NDC1: variants seen among roughly 807,000 people sequenced by gnomAD.
NDC1 encodes the protein NDC1 transmembrane nucleoporin.
NDC1 carries 24 observed loss-of-function variants against 89.8 expected under a neutral mutation model. The ratio of observed to expected loss-of-function variants is 0.27; its 90% CI spans 0.19 to 0.38. The LOEUF is 0.38. Among genes scored for constraint, NDC1 ranks in the 10% least tolerant of loss-of-function variants. The probability of loss-of-function intolerance (pLI) is 1.00; values close to 1 mark genes in which losing one functional copy is unlikely to be tolerated. For missense variants in NDC1, 728 were observed against 797.6 expected (o/e 0.91, Z 1.05); for synonymous variants, 296 against 284.8 (o/e 1.04, Z -0.39).
chr1:53,779,269 G>A (rs888675455), intron 16 of NDC1, among the ~76,000 whole-genome samples: 1 of 151,910 alleles, frequency 6.6e-6, no homozygotes, highest in African/African-American at 2.4e-5. Flanking sequence ...ATAACCCTAT[G>A]AGGTAGCTAG....
intron 10 of NDC1, 22 bp downstream of exon 10, chr1:53,803,906 A>G (rs1246349374): frequency 6.4e-7 from 1 of 1,557,388 alleles, no homozygotes; most frequent in Non-Finnish European, 8.9e-7. Context: ...TGCCTAATCA[A>G]GTCTATTACT....
Position 53,802,556 on chromosome 1 carries a change from A to G in NDC1, c.1066+1372T>C, listed in dbSNP as rs117821564. 3.1e-3 allele frequency among the ~76,000 whole-genome samples: 476 copies of G among 152,208 alleles called. 8 individuals carry two copies. In the East Asian group the frequency reaches 0.056, roughly 18 times the overall value. On this transcript the variant is annotated intron_variant, in intron 10 of 17. Coordinates refer to ENST00000371429, the MANE Select transcript of NDC1 (RefSeq NM_018087.5). The stretch of plus-strand genomic sequence containing the variant: ...GGTGGTGCACACCTGGTATGCCCCT[A>G]TAATACCAGCTACTTGAAAGGCTGA...
At chr1:53,832,437 CTTAG>C (rs1242624598) in intron 3 of NDC1, 49 bp downstream of exon 3, 8 of 947,536 alleles carry the variant, frequency 8.4e-6, no homozygotes, top group African/African-American at 6.6e-5. Context: ...TAAGTCTTCC[CTTAG>C]TTAAATAAAT....
Position 53,796,673 on chromosome 1 carries a change from A to AGTC in NDC1, c.1584+15_1584+16insGAC, listed in dbSNP as rs1382563911. The AGTC allele has an allele frequency of 1.3e-6, 2 of 1,498,844 alleles. No individual in the cohort carries two copies. The highest frequency in any genetic ancestry group is 3.9e-5 in the Admixed American group (2 of 51,248). 92.8% of individuals were successfully genotyped at this position (1,498,844 alleles called of 1,614,324 possible). ...TTTTACATGCAAATATAAATCCTAT[A>AGTC]ACCATATCATCCTACCTGTTCACGT... On this transcript the variant is annotated intron_variant, in intron 13 of 17. Coordinates refer to ENST00000371429, the MANE Select transcript of NDC1 (RefSeq NM_018087.5).
chr1:53,808,490 T>A (rs1021538011), intron 7 of NDC1, among the ~76,000 whole-genome samples: 5 of 152,220 alleles, frequency 3.3e-5, no homozygotes, highest in Non-Finnish European at 2.9e-5. Flanking sequence ...TTAGTCCTAT[T>A]ACAATTTTTA....
rs1649098833 is a variant in NDC1, at chr1:53,832,509, G to A, written c.261C>T (p.Phe87=). 1.3e-6 allele frequency: 2 copies of A among 1,581,546 alleles called. No individual in the cohort carries two copies. The highest frequency in any genetic ancestry group is 2.7e-5 in the African/African-American group (2 of 74,200). Residue 87 remains phenylalanine, a synonymous_variant, in exon 3 of 18, where the codon TTC becomes TTT. Coordinates refer to ENST00000371429, the MANE Select transcript of NDC1 (RefSeq NM_018087.5). ...ACTCACCTGCATAGAACTCCACATT[G>A]AAAATACTTATTATTATTATTACCA... The part of the protein sequence containing the change: ...LSVVIIIISI[F]NVEFYAVVPS...
At chr1:53,828,694 C>T (rs1648957324) in intron 3 of NDC1, among the ~76,000 whole-genome samples, 2 of 152,022 alleles carry the variant, frequency 1.3e-5, no homozygotes, top group African/African-American at 4.8e-5. Context: ...TCACTGCAAC[C>T]TCTGCCTCCT....
At position 53,803,975 on chromosome 1, in the gene NDC1, T is replaced by C. The variant is rs1648015660; in HGVS notation, c.1019A>G (p.Gln340Arg). The change falls in exon 10 of 18, where the codon CAA becomes CGA. Residue 340 changes from glutamine (Q) to arginine (R), a missense_variant. Transcript: ENST00000371429. ...TTCTTGTCTTCGTGAAGGAGAATAT[T>C]GAGAAAGCAACATCAGGTCCTGCAA... The part of the protein sequence containing the change: ...LALQDLMLLS[Q>R]YSPSRRQEVF... 6.2e-7 allele frequency: 1 copy of C among 1,613,970 alleles called. No individual in the cohort carries two copies. The highest frequency in any genetic ancestry group is 1.3e-5 in the African/African-American group (1 of 74,930).
rs1647070365 is a variant in NDC1 at position 53,766,979 on chromosome 1, T to TTGA, written c.*988_*990dup. On this transcript the variant is annotated 3_prime_UTR_variant, in exon 18 of 18. Coordinates refer to ENST00000371429, the MANE Select transcript of NDC1 (RefSeq NM_018087.5). ...CTGACGTTTTGGTTTCACTTGCTAT[T>TTGA]TGATGACTAAGTTGTTTCTGGCTAT... The TTGA allele has an allele frequency of 5.3e-5, 8 of 152,348 alleles. 1 individual carries two copies. In the South Asian group the frequency reaches 1.7e-3, roughly 32 times the overall value. The allele number at this position is 152,348 out of a possible 1,614,324, so 9.4% of individuals were successfully genotyped here.
intron 14 of NDC1, among the ~76,000 whole-genome samples, chr1:53,789,513 C>CT (rs1557570855): frequency 6.6e-6 from 1 of 152,170 alleles, no homozygotes; most frequent in East Asian, 1.9e-4. Context: ...TACAGAAACT[C>CT]TTTTTAAAAA....
chr1:53,833,528 T>C (rs1649133943), intron 2 of NDC1, among the ~76,000 whole-genome samples: 1 of 152,192 alleles, frequency 6.6e-6, no homozygotes, highest in Non-Finnish European at 1.5e-5. Flanking sequence ...AGAATACTTT[T>C]CAGATCTCTT....
intron 6 of NDC1, among the ~76,000 whole-genome samples, chr1:53,814,125 G>A (rs545399347): frequency 1.2e-4 from 19 of 152,114 alleles, no homozygotes; most frequent in South Asian, 2.1e-4. Context: ...AGGCCAAGGC[G>A]GGTGGATCAC....
intron 9 of NDC1, among the ~76,000 whole-genome samples, chr1:53,805,506 TA>T (rs1241042293): frequency 6.6e-6 from 1 of 152,224 alleles, no homozygotes; most frequent in African/African-American, 2.4e-5. Context: ...TAGCTCTTTT[TA>T]AAGGACCTTT....
At chr1:53,806,395 G>C in intron 9 of NDC1, 30 bp downstream of exon 9, 1 of 1,388,170 alleles carries the variant, frequency 7.2e-7, no homozygotes, top group Non-Finnish European at 9.7e-7. Flanking sequence ...AGAGAAAACT[G>C]TGTGAAGATA....
chr1:53,765,904 G>A lies in NDC1; in HGVS notation c.*2066C>T, dbSNP rs879274638. The A allele has an allele frequency of 6.6e-6, 1 of 152,110 alleles. No homozygotes were observed. Among genetic ancestry groups the A allele is most frequent in the Non-Finnish European group, 1.5e-5 (1 of 68,018 alleles). 9.4% of individuals were successfully genotyped at this position (152,110 alleles called of 1,614,324 possible). A position where few individuals can be genotyped will look rare whatever the true frequency, so the allele number is the denominator to read the frequency against. On this transcript the variant is annotated 3_prime_UTR_variant, in exon 18 of 18. Coordinates refer to ENST00000371429, the MANE Select transcript of NDC1 (RefSeq NM_018087.5). ...CCTAAGGTCCTCCTCCTAGTACACA[G>A]GAGGAGTTCCCCATAATAACACCCT...
chr1:53,824,017 C>T (rs1291207473), intron 5 of NDC1, among the ~76,000 whole-genome samples: 4 of 151,594 alleles, frequency 2.6e-5, no homozygotes, highest in East Asian at 3.9e-4. Context: ...GTGGGTATAT[C>T]GTTTGAGTCC....
At chr1:53,780,630 AATAG>A (rs754991372) in intron 16 of NDC1, among the ~76,000 whole-genome samples, 6 of 152,170 alleles carry the variant, frequency 3.9e-5, no homozygotes, top group Admixed American at 1.3e-4. Context: ...CAAAAAATAT[AATAG>A]ATAGGGTTGA....
intron 16 of NDC1, 145 bp from the exon 17 acceptor site, chr1:53,772,634 G>T: frequency 1.8e-6 from 1 of 570,828 alleles, no homozygotes; most frequent in Non-Finnish European, 3.1e-6. Context: ...CTGTACTCCA[G>T]ACTGGGCGAC....
At chr1:53,818,645 A>G (rs1648558128) in intron 6 of NDC1, among the ~76,000 whole-genome samples, 1 of 152,334 alleles carries the variant, frequency 6.6e-6, no homozygotes, top group Non-Finnish European at 1.5e-5. Context: ...GATACCTCAT[A>G]TAAGTGGAAT....
Sources: allele counts gnomAD v4.1 joint callset (sites outside exome capture counted in the v4.1 genomes callset), GRCh38; gene constraint gnomAD v4.1.1; transcripts MANE v1.5; gene names NCBI Gene and HGNC (gene_info 2026-07-23, HGNC 2026-07-21).